Variants in NUMB observed in about 807,000 individuals in gnomAD.
NUMB encodes protein numb homolog.
In NUMB, 29 loss-of-function variants were observed where a neutral mutation model predicts 59.7. The ratio of observed to expected loss-of-function variants is 0.49; its 90% confidence interval spans 0.36 to 0.66. NUMB has a LOEUF of 0.66. Among genes scored for constraint, NUMB ranks in the 30% least tolerant of loss-of-function variants. The pLI is 0.00. For synonymous variants in NUMB, 288 were observed against 288.2 expected, an observed-to-expected ratio of 1.00 and a Z score of 0.01; for missense variants, 723 against 822.0, an observed-to-expected ratio of 0.88 and a Z score of 1.47.
intron 1 of NUMB, among the ~76,000 whole-genome samples, chr14:73,444,572 GAAACTATATATACAT>G (rs1444356512): frequency 6.6e-6 from 1 of 152,034 alleles, no homozygotes; most frequent in Non-Finnish European, 1.5e-5. Context: ...TTTGAAGAAT[GAAACTATATATACAT>G]ACATACATAT....
At chr14:73,277,417 G>C in intron 12 of NUMB, 124 bp from the exon 13 acceptor site, 2 of 772,976 alleles carry the variant, frequency 2.6e-6, no homozygotes, top group Non-Finnish European at 4.0e-6. Flanking sequence ...ACATTTTGTG[G>C]TTTTGATAGG....
At chr14:73,287,441 CAGT>C in intron 8 of NUMB, 127 bp from the exon 9 acceptor site, 1 of 792,534 alleles carries the variant, frequency 1.3e-6, no homozygotes, top group Non-Finnish European at 2.0e-6. Flanking sequence ...TGCAGTGGCG[CAGT>C]CTCTGCTCAC....
intron 3 of NUMB, among the ~76,000 whole-genome samples, chr14:73,363,131 A>C (rs1894169352): frequency 6.6e-6 from 1 of 152,104 alleles, no homozygotes; most frequent in Non-Finnish European, 1.5e-5. Flanking sequence ...TCCCATCTCT[A>C]TGAAAAATAC....
intron 1 of NUMB, among the ~76,000 whole-genome samples, chr14:73,435,863 A>C (rs2140176974): frequency 6.6e-6 from 1 of 152,006 alleles, no homozygotes; most frequent in South Asian, 2.1e-4. Context: ...AAAAATTAGC[A>C]GGGCATGGTA....
intron 1 of NUMB, among the ~76,000 whole-genome samples, chr14:73,426,546 A>C (rs974803573): frequency 7.2e-5 from 11 of 152,030 alleles, no homozygotes; most frequent in African/African-American, 2.7e-4. Flanking sequence ...ATCTCTACAA[A>C]AAATTTAAAA....
At chr14:73,455,834 G>C (rs765226596) in intron 1 of NUMB, among the ~76,000 whole-genome samples, 1 of 152,140 alleles carries the variant, frequency 6.6e-6, no homozygotes, top group Non-Finnish European at 1.5e-5. Flanking sequence ...CAATATGTCT[G>C]TGTATACTCA....
chr14:73,355,557 T>G, intron 4 of NUMB, 69 bp downstream of exon 4: 283 of 1,398,198 alleles, frequency 2.0e-4, no homozygotes, highest in Non-Finnish European at 2.4e-4. Context: ...TCCTTATTAA[T>G]GAGATTTCAC....
chr14:73,287,427 G>A (rs1057376606), intron 8 of NUMB, 113 bp from the exon 9 acceptor site: 2 of 904,466 alleles, frequency 2.2e-6, no homozygotes, highest in African/African-American at 1.7e-5. Flanking sequence ...TACCCAGGCT[G>A]GAGTGCAGTG....
chr14:73,358,602 C>CTTTTT (rs35552161), intron 3 of NUMB, among the ~76,000 whole-genome samples: 6 of 118,936 alleles, frequency 5.0e-5, no homozygotes, highest in African/African-American at 6.5e-5. Context: ...GAAAGCTAGA[C>CTTTTT]TTTTTTTTTT....
In NUMB at chr14:73,284,093, T is replaced by C. The variant is rs750987725; in HGVS notation, c.937A>G (p.Ile313Val). 6.2e-7 allele frequency: 1 copy of C among 1,613,912 alleles called. No homozygotes were observed. Among genetic ancestry groups the C allele is most frequent in the Admixed American group, 1.7e-5 (1 of 60,014 alleles). Residue 313 changes from isoleucine to valine, a missense_variant, in exon 10 of 13, where the codon ATT becomes GTT. Coordinates refer to ENST00000555238, the MANE Select transcript of NUMB (RefSeq NM_001005743.2). ...STMQRKTDFP[I>V]KNAVPEVEGE... ...GATGCTACATTACCTGCATTTTTAA[T>C]GGGGAAATCAGTCTTCCTCTGCATA... is the stretch of plus-strand genomic sequence containing the variant.
intron 2 of NUMB, among the ~76,000 whole-genome samples, chr14:73,367,296 T>TAC (rs1196520524): frequency 0.039 from 4,690 of 120,854 alleles, 130 homozygotes; most frequent in Non-Finnish European, 0.057. Flanking sequence ...TATATATATA[T>TAC]ACACACACAC....
intron 1 of NUMB, among the ~76,000 whole-genome samples, chr14:73,441,466 G>T (rs2140187990): frequency 6.6e-6 from 1 of 152,192 alleles, no homozygotes; most frequent in South Asian, 2.1e-4. Context: ...GAACCCAGGA[G>T]GGAGAGGTTG....
At chr14:73,389,486 C>A (rs1172796995) in intron 2 of NUMB, among the ~76,000 whole-genome samples, 1 of 151,614 alleles carries the variant, frequency 6.6e-6, no homozygotes, top group Non-Finnish European at 1.5e-5. Context: ...CCACACCCGG[C>A]TAATTTTTTG....
At chr14:73,281,224 T>G (rs1694355656) in intron 11 of NUMB, among the ~76,000 whole-genome samples, 1 of 151,536 alleles carries the variant, frequency 6.6e-6, no homozygotes, top group Non-Finnish European at 1.5e-5. Flanking sequence ...ATTTGGGCAA[T>G]TTACTTATCC....
At chr14:73,389,574 G>C (rs141678419) in intron 2 of NUMB, among the ~76,000 whole-genome samples, 1,879 of 152,088 alleles carry the variant, frequency 0.012, 39 homozygotes, top group African/African-American at 0.043. Context: ...TGCCCGCCTC[G>C]GCCTCCCAAA....
At chr14:73,371,800 TCCGGAACAGACAACTGGACCTG>T (rs2140056863) in intron 2 of NUMB, among the ~76,000 whole-genome samples, 1 of 152,240 alleles carries the variant, frequency 6.6e-6, no homozygotes, top group African/African-American at 2.4e-5. Context: ...GTTCCTCTTC[TCCGGAACAGACAACTGGACCTG>T]CCAGTACCTT....
At position 73,277,148 on chromosome 14, in the gene NUMB, A is replaced by G; in HGVS notation, c.1386T>C (p.Pro462=). The change falls in exon 13 of 13, where the codon CCT becomes CCC. Residue 462 remains proline (P), a synonymous_variant. Coordinates refer to ENST00000555238, the MANE Select transcript of NUMB (RefSeq NM_001005743.2). ...GAGGAGGCTGGAGAACTGGCTGCAG[A>G]GGAGCAGCTGAGGCCTGGGGCTGCT... The part of the protein sequence containing the change: ...RAQQPQASAA[P]LQPVLQPPPP... The G allele has an allele frequency of 6.2e-7, 1 of 1,613,998 alleles. No homozygotes were observed. Among genetic ancestry groups the G allele is most frequent in the Non-Finnish European group, 8.5e-7 (1 of 1,179,984 alleles).
chr14:73,289,783 A>C (rs1188407623), intron 8 of NUMB, among the ~76,000 whole-genome samples: 1 of 152,214 alleles, frequency 6.6e-6, no homozygotes, highest in African/African-American at 2.4e-5. Flanking sequence ...CAGATGTTAA[A>C]GCATGAAACA....
At chr14:73,384,775 G>A (rs914567929) in intron 2 of NUMB, among the ~76,000 whole-genome samples, 4 of 151,330 alleles carry the variant, frequency 2.6e-5, no homozygotes, top group Non-Finnish European at 1.5e-5. Context: ...ATGAGGTCTT[G>A]CCATGTTGCC....
Sources: allele counts gnomAD v4.1 joint callset (sites outside exome capture counted in the v4.1 genomes callset), GRCh38; gene constraint gnomAD v4.1.1; transcripts MANE v1.5; gene names NCBI Gene and HGNC (gene_info 2026-07-23, HGNC 2026-07-21).